The following CFAP161 variants were observed in gnomAD, a reference collection of about 807,000 sequenced individuals.
CFAP161 encodes the protein cilia and flagella associated protein 161, also known as cilia- and flagella-associated protein 161.
In CFAP161, 25 loss-of-function variants were observed where a neutral mutation model predicts 29.0. That is an observed-to-expected ratio of 0.86 (90% CI 0.63 to 1.20). CFAP161 has a LOEUF of 1.20. CFAP161 is among the 50% of genes most tolerant of loss of function. The pLI is 0.00. For missense variants in CFAP161, 367 were observed against 371.9 expected (o/e 0.99, Z 0.11); for synonymous variants, 116 against 137.4 (o/e 0.84, Z 1.09).
intron 5 of CFAP161, among the ~76,000 whole-genome samples, chr15:81,146,146 C>A (rs1595921102): frequency 6.6e-6 from 1 of 152,146 alleles, no homozygotes; most frequent in African/African-American, 2.4e-5. Flanking sequence ...ACAGAGTAGC[C>A]TTGTCTGATG....
At position 81,143,734 on chromosome 15, in the gene CFAP161, A is replaced by G; in HGVS notation, c.550A>G (p.Thr184Ala). ...GTCTTGGCTCCAGGAAGTGTACCTA[A>G]CAGATGAGGTCTCCCATGTGAACTG... Reference protein sequence around the residue: ...KRSWLQEVYLTDEVSHVNCWQ... With the variant: ...KRSWLQEVYLADEVSHVNCWQ... Residue 184 changes from threonine to alanine, a missense_variant, in exon 5 of 7, where the codon ACA becomes GCA. Transcript: ENST00000286732. 1 of 1,614,126 alleles carries G rather than the reference A, an allele frequency of 6.2e-7. No individual in the cohort carries two copies. Among genetic ancestry groups the G allele is most frequent in the Non-Finnish European group, 8.5e-7 (1 of 1,179,996 alleles).
At chr15:81,123,408 T>C (rs1894600994) in intron 1 of CFAP161, among the ~76,000 whole-genome samples, 1 of 152,316 alleles carries the variant, frequency 6.6e-6, no homozygotes, top group Non-Finnish European at 1.5e-5. Context: ...TGTCTGTTTT[T>C]GTACCAGTAT....
intron 1 of CFAP161, among the ~76,000 whole-genome samples, chr15:81,101,425 G>A (rs575169317): frequency 3.3e-5 from 5 of 149,900 alleles, no homozygotes; most frequent in Non-Finnish European, 5.9e-5. Context: ...TACTTGGGAG[G>A]CTGAGGCGGG....
chr15:81,108,678 A>G (rs2061941579), intron 1 of CFAP161, among the ~76,000 whole-genome samples: 1 of 152,186 alleles, frequency 6.6e-6, no homozygotes, highest in African/African-American at 2.4e-5. Context: ...TCATAAGACC[A>G]CCCTTTTTAA....
chr15:81,127,277 T>A (rs1215375666), intron 1 of CFAP161, among the ~76,000 whole-genome samples: 1 of 152,216 alleles, frequency 6.6e-6, no homozygotes, highest in East Asian at 1.9e-4. Context: ...TGTTTATTTT[T>A]ACTCTCAGAA....
At chr15:81,143,450 G>A (rs79033618) in intron 4 of CFAP161, among the ~76,000 whole-genome samples, 4,303 of 152,328 alleles carry the variant, frequency 0.028, 82 homozygotes, top group Non-Finnish European at 0.045. Context: ...GGAGATGTGA[G>A]TGTGTGTAGG....
At chr15:81,139,053 G>A (rs1052497381) in intron 4 of CFAP161, among the ~76,000 whole-genome samples, 1 of 152,122 alleles carries the variant, frequency 6.6e-6, no homozygotes, top group Non-Finnish European at 1.5e-5. Context: ...TGTAATCTCA[G>A]CACTTTGGGA....
upstream of CFAP161, chr15:81,134,134 G>A: frequency 1.7e-6 from 1 of 579,024 alleles, no homozygotes; most frequent in Non-Finnish European, 3.1e-6. Context: ...GTGGAAGTGG[G>A]GCGGGCTGGA....
intron 1 of CFAP161, among the ~76,000 whole-genome samples, chr15:81,122,834 T>C (rs575651846): frequency 1.3e-5 from 2 of 152,266 alleles, no homozygotes; most frequent in East Asian, 3.9e-4. Flanking sequence ...GATGTATATC[T>C]TCTTTTGATA....
intron 1 of CFAP161, among the ~76,000 whole-genome samples, chr15:81,105,855 G>T (rs537947745): frequency 6.6e-6 from 1 of 152,340 alleles, no homozygotes; most frequent in South Asian, 2.1e-4. Context: ...CTGTACTACA[G>T]ATGGTCCCAG....
chr15:81,119,443 C>CA (rs1894542482), intron 1 of CFAP161, among the ~76,000 whole-genome samples: 3 of 152,058 alleles, frequency 2.0e-5, no homozygotes, highest in Admixed American at 2.0e-4. Context: ...AGAAAACATT[C>CA]AACATAGCAA....
intron 5 of CFAP161, among the ~76,000 whole-genome samples, chr15:81,147,174 A>G (rs979859709): frequency 6.6e-6 from 1 of 151,972 alleles, no homozygotes; most frequent in African/African-American, 2.4e-5. Flanking sequence ...GCCCTCTCAC[A>G]TGTAAAATGT....
At chr15:81,133,221 A>ATATATATATATATG (rs1555449897), upstream of CFAP161, among the ~76,000 whole-genome samples, 3 of 32,488 alleles carry the variant, frequency 9.2e-5, no homozygotes, top group Non-Finnish European at 1.4e-4. Context: ...ATATATATAT[A>ATATATATATATATG]TATGTATTTT....
chr15:81,142,086 C>T (rs1437497278), intron 4 of CFAP161, among the ~76,000 whole-genome samples: 4 of 152,188 alleles, frequency 2.6e-5, no homozygotes, highest in South Asian at 4.1e-4. Context: ...TCCCCACCCA[C>T]GTCCAGCTGA....
At chr15:81,143,138 C>G (rs1210027689) in intron 4 of CFAP161, among the ~76,000 whole-genome samples, 2 of 151,734 alleles carry the variant, frequency 1.3e-5, no homozygotes, top group Non-Finnish European at 2.9e-5. Context: ...CAGTGGGATC[C>G]TAGCTCTACA....
chr15:81,108,964 A>G (rs753943853), intron 1 of CFAP161, among the ~76,000 whole-genome samples: 1 of 152,192 alleles, frequency 6.6e-6, no homozygotes, highest in Non-Finnish European at 1.5e-5. Context: ...GAGCCAAATC[A>G]GGACTGTAAG....
At chr15:81,145,054 T>A (rs1210366482) in intron 5 of CFAP161, among the ~76,000 whole-genome samples, 2 of 152,038 alleles carry the variant, frequency 1.3e-5, no homozygotes, top group Non-Finnish European at 2.9e-5. Flanking sequence ...CCAGCAGACA[T>A]GTGGATGTGT....
chr15:81,145,755 G>C (rs1026013362), intron 5 of CFAP161, among the ~76,000 whole-genome samples: 1 of 152,198 alleles, frequency 6.6e-6, no homozygotes. Flanking sequence ...TTAACAGGTT[G>C]GGTAGATTAC....
At chr15:81,114,906 G>A (rs1894478851) in intron 1 of CFAP161, among the ~76,000 whole-genome samples, 1 of 152,010 alleles carries the variant, frequency 6.6e-6, no homozygotes, top group African/African-American at 2.4e-5. Flanking sequence ...CTTGTGATCC[G>A]CCCACCTCGG....
Sources: gnomAD v4.1 joint callset for allele counts (sites outside exome capture counted in the v4.1 genomes callset) on GRCh38, gnomAD v4.1.1 for gene constraint, MANE v1.5 for transcripts, NCBI Gene and HGNC (gene_info 2026-07-23, HGNC 2026-07-21) for gene names.